SLC35D4: variants seen among roughly 807,000 people sequenced by gnomAD.
SLC35D4 encodes the protein UDP-N-acetylglucosamine transporter SLC35D4.
the SLC35D4 span, among the ~76,000 whole-genome samples, chr18:23,354,721 G>A: frequency 6.6e-6 from 1 of 152,158 alleles, no homozygotes; most frequent in South Asian, 2.1e-4. Context: ...AGCCACAGGG[G>A]TGGCATGATT....
the SLC35D4 span, among the ~76,000 whole-genome samples, chr18:23,264,575 C>A: frequency 4.6e-5 from 7 of 152,200 alleles, no homozygotes; most frequent in South Asian, 2.1e-4. Flanking sequence ...GTTGGTCAGG[C>A]TGGTCTCGAA....
chr18:23,257,141 G>A, the SLC35D4 span: 4 of 1,471,924 alleles, frequency 2.7e-6, no homozygotes, highest in South Asian at 2.3e-5. Context: ...GCACTCACTG[G>A]CTGGTGGATA....
At chr18:23,276,381 C>A in the SLC35D4 span, among the ~76,000 whole-genome samples, 3 of 151,882 alleles carry the variant, frequency 2.0e-5, no homozygotes, top group Admixed American at 2.0e-4. Flanking sequence ...AGCCACCGCG[C>A]CCAGCCAGAA....
chr18:23,437,902 C>T, the SLC35D4 span: 22 of 1,573,702 alleles, frequency 1.4e-5, no homozygotes, highest in Admixed American at 1.8e-5. Context: ...CCCAAATCCC[C>T]TGGCCGCCGC....
At chr18:23,305,173 CTTA>C in the SLC35D4 span, among the ~76,000 whole-genome samples, 1 of 152,200 alleles carries the variant, frequency 6.6e-6, no homozygotes, top group Non-Finnish European at 1.5e-5. Context: ...ACTGGACATT[CTTA>C]GTCTGCAGGT....
At chr18:23,369,873 C>T in the SLC35D4 span, among the ~76,000 whole-genome samples, 1 of 152,170 alleles carries the variant, frequency 6.6e-6, no homozygotes, top group Non-Finnish European at 1.5e-5. Flanking sequence ...CCAACCACAG[C>T]TCACCAAACA....
chr18:23,429,343 T>C, the SLC35D4 span, among the ~76,000 whole-genome samples: 1 of 152,058 alleles, frequency 6.6e-6, no homozygotes, highest in African/African-American at 2.4e-5. Flanking sequence ...TTTCCAAAAC[T>C]TCGCCAACAT....
chr18:23,429,670 C>T, the SLC35D4 span, among the ~76,000 whole-genome samples: 4 of 152,106 alleles, frequency 2.6e-5, no homozygotes, highest in South Asian at 2.1e-4. Context: ...GCCACCACAC[C>T]GGCCATTTTT....
chr18:23,334,666 C>T, the SLC35D4 span, among the ~76,000 whole-genome samples: 9 of 152,094 alleles, frequency 5.9e-5, no homozygotes, highest in Admixed American at 2.0e-4. Flanking sequence ...ATCTAAAGAA[C>T]GACCAGGTTA....
At chr18:23,361,445 G>A in the SLC35D4 span, among the ~76,000 whole-genome samples, 1 of 152,194 alleles carries the variant, frequency 6.6e-6, no homozygotes, top group Non-Finnish European at 1.5e-5. Context: ...GAGCCACCCT[G>A]TAAGAGTAGT....
chr18:23,326,991 TG>T, the SLC35D4 span, among the ~76,000 whole-genome samples: 1 of 152,184 alleles, frequency 6.6e-6, no homozygotes, highest in Non-Finnish European at 1.5e-5. Context: ...AGATGTGCTT[TG>T]AAACCAATAA....
At chr18:23,430,661 A>G in the SLC35D4 span, 1 of 1,613,044 alleles carries the variant, frequency 6.2e-7, no homozygotes, top group Non-Finnish European at 8.5e-7. Flanking sequence ...GGTAAATTTC[A>G]AGACAGACAG....
the SLC35D4 span, among the ~76,000 whole-genome samples, chr18:23,426,819 T>C: frequency 1.3e-5 from 2 of 152,170 alleles, no homozygotes; most frequent in African/African-American, 4.8e-5. Context: ...CAAAAACAGA[T>C]ATATAGACCA....
chr18:23,307,617 G>C, the SLC35D4 span, among the ~76,000 whole-genome samples: 1 of 152,236 alleles, frequency 6.6e-6, no homozygotes, highest in African/African-American at 2.4e-5. Flanking sequence ...AGAGCTCCGA[G>C]GCCTGAGCGG....
At chr18:23,382,873 C>G in the SLC35D4 span, among the ~76,000 whole-genome samples, 1 of 152,298 alleles carries the variant, frequency 6.6e-6, no homozygotes, top group African/African-American at 2.4e-5. Flanking sequence ...CTCAGGGGAT[C>G]GAGCTCTTTT....
the SLC35D4 span, among the ~76,000 whole-genome samples, chr18:23,362,227 C>T: frequency 6.6e-6 from 1 of 152,206 alleles, no homozygotes; most frequent in African/African-American, 2.4e-5. Flanking sequence ...AAACACATCC[C>T]CCAAACCAAA....
chr18:23,298,102 C>G, the SLC35D4 span: 13 of 1,612,816 alleles, frequency 8.1e-6, no homozygotes, highest in Non-Finnish European at 1.1e-5. Flanking sequence ...CTCTCCACTC[C>G]CCCGGGACCC....
At chr18:23,268,280 C>A in the SLC35D4 span, among the ~76,000 whole-genome samples, 1 of 152,142 alleles carries the variant, frequency 6.6e-6, no homozygotes, top group East Asian at 1.9e-4. Flanking sequence ...AAGATCTGGG[C>A]TTTGAGAGAT....
At chr18:23,254,452 A>G in the SLC35D4 span, among the ~76,000 whole-genome samples, 1 of 152,238 alleles carries the variant, frequency 6.6e-6, no homozygotes, top group African/African-American at 2.4e-5. Context: ...AGAATTCAAT[A>G]TATTAATAGA....
Sources: allele counts gnomAD v4.1 joint callset (sites outside exome capture counted in the v4.1 genomes callset), GRCh38; gene constraint gnomAD v4.1.1; transcripts MANE v1.5; gene names NCBI Gene and HGNC (gene_info 2026-07-23, HGNC 2026-07-21).